The following HKDC1 variants were observed in gnomAD, a reference collection of about 807,000 sequenced individuals.
HKDC1 encodes hexokinase domain containing 1.
In HKDC1, 66 loss-of-function variants were observed where a neutral mutation model predicts 96.6. The ratio of observed to expected loss-of-function variants is 0.68; its 90% CI spans 0.56 to 0.84. The LOEUF is 0.84. Among genes scored for constraint, HKDC1 ranks in the 40% least tolerant of loss-of-function variants. The pLI, the probability that HKDC1 is intolerant of heterozygous loss-of-function variation, is 0.00. For synonymous variants in HKDC1, 466 were observed against 473.1 expected (o/e 0.98, Z 0.20); for missense variants, 1,211 against 1,208.1 (o/e 1.00, Z -0.04).
intron 16 of HKDC1, among the ~76,000 whole-genome samples, chr10:69,262,808 A>G (rs1843828192): frequency 6.6e-6 from 1 of 152,166 alleles, no homozygotes; most frequent in Non-Finnish European, 1.5e-5. Context: ...TCCAATCTGA[A>G]CAGATGGGTT....
intron 16 of HKDC1, among the ~76,000 whole-genome samples, chr10:69,265,037 A>G (rs910981376): frequency 2.0e-5 from 3 of 152,220 alleles, no homozygotes; most frequent in Non-Finnish European, 4.4e-5. Context: ...CCTGCTGGCT[A>G]CTACTGAAGA....
chr10:69,236,636 C>T (rs984197793), intron 4 of HKDC1, among the ~76,000 whole-genome samples: 2 of 151,684 alleles, frequency 1.3e-5, no homozygotes, highest in Admixed American at 6.6e-5. Context: ...CAAAATTAGT[C>T]GGGCGTGGTG....
chr10:69,230,293 G>A (rs530037954), intron 2 of HKDC1, among the ~76,000 whole-genome samples: 8 of 152,342 alleles, frequency 5.3e-5, no homozygotes, highest in African/African-American at 1.4e-4. Flanking sequence ...CCAGGCCTTA[G>A]CCTCCAGTCA....
In HKDC1 at chr10:69,246,113, G is replaced by C. The variant is rs1389665361; in HGVS notation, c.910G>C (p.Glu304Gln). The C allele has an allele frequency of 6.2e-7, 1 of 1,614,232 alleles. No homozygotes were observed. Among genetic ancestry groups the C allele is most frequent in the South Asian group, 1.1e-5 (1 of 91,086 alleles). The change falls in exon 8 of 18, where the codon GAG becomes CAG. Residue 304 changes from glutamate to glutamine, a missense_variant. By Grantham distance (29) the Glu-to-Gln change is conservative. Transcript: ENST00000354624. ...GATGATCAGTGGCCTGTACCTGGGG[G>C]AGCTTGTCAGGCTTATCTTGCTGAA... ...EKMISGLYLG[E>Q]LVRLILLKMA...
rs1009093862 is a variant in HKDC1 at position 69,246,094 on chromosome 10, C to T, written c.891C>T (p.Ile297=). The stretch of plus-strand genomic sequence containing the variant: ...CAACCTGCAGGTTCGAGAAGATGAT[C>T]AGTGGCCTGTACCTGGGGGAGCTTG... ...NPGKQLFEKM[I]SGLYLGELVR... is the part of the protein sequence containing the mutation. The change falls in exon 8 of 18, where the codon ATC becomes ATT. Residue 297 remains isoleucine (I), a synonymous_variant. Transcript: ENST00000354624. 10 of 1,614,052 alleles carry T rather than the reference C, an allele frequency of 6.2e-6. No individual in the cohort carries two copies. In the African/African-American group the frequency reaches 8.0e-5, roughly 13 times the overall value.
intron 7 of HKDC1, among the ~76,000 whole-genome samples, chr10:69,243,607 C>T (rs1843491002): frequency 6.6e-6 from 1 of 151,968 alleles, no homozygotes; most frequent in South Asian, 2.1e-4. Flanking sequence ...AGCAATCCTC[C>T]CACCTCAGTC....
chr10:69,238,425 G>A (rs1248229319), intron 4 of HKDC1, among the ~76,000 whole-genome samples: 1 of 27,434 alleles, frequency 3.6e-5, no homozygotes, highest in Non-Finnish European at 6.7e-5. Context: ...GCCGGACTGC[G>A]GACTGCAGTG....
At chr10:69,250,201 G>A in intron 10 of HKDC1, 89 bp from the exon 11 acceptor site, 11 of 1,446,562 alleles carry the variant, frequency 7.6e-6, no homozygotes, top group Non-Finnish European at 1.0e-5. Context: ...CAGGCCCTGG[G>A]TCCGCTCTGC....
At position 69,232,748 on chromosome 10, in the gene HKDC1, ATT is replaced by A. The variant is rs749894632; in HGVS notation, c.227-14_227-13del. Reference sequence around the variant, plus strand: ...TAGACCCTCAATAAATGGAAACTGAATTTGTTTCTTAATAGAAAATGGGGAGT... The same window carrying A: ...TAGACCCTCAATAAATGGAAACTGAATGTTTCTTAATAGAAAATGGGGAGT... On this transcript the variant is annotated splice_polypyrimidine_tract_variant and intron_variant, in intron 2 of 17. Transcript: ENST00000354624. 1.2e-6 allele frequency: 2 copies of A among 1,613,122 alleles called. No individual in the cohort carries two copies. Among genetic ancestry groups the A allele is most frequent in the Admixed American group, 3.3e-5 (2 of 59,956 alleles).
chr10:69,243,272 G>A lies in HKDC1; in HGVS notation c.782G>A (p.Trp261Ter), dbSNP rs771587834. Residue 261 changes from tryptophan to a stop codon, truncating the protein, a stop_gained, in exon 7 of 18, where the codon TGG becomes TAG. Transcript: ENST00000354624. LOFTEE classifies it high-confidence loss of function. ...DEGRMCINTE[W>*]GAFGDDGALE... ...GGCAGGATGTGCATCAACACAGAGT[G>A]GGGGGCCTTCGGGGACGACGGGGCC... is the stretch of plus-strand genomic sequence containing the variant. 1.2e-5 allele frequency: 19 copies of A among 1,613,930 alleles called. No individual in the cohort carries two copies. Among genetic ancestry groups the A allele is most frequent in the Non-Finnish European group, 1.5e-5 (18 of 1,179,972 alleles).
intron 5 of HKDC1, 82 bp from the exon 6 acceptor site, chr10:69,240,570 C>T (rs1359054842): frequency 2.6e-6 from 3 of 1,170,702 alleles, no homozygotes; most frequent in Non-Finnish European, 3.8e-6. Context: ...GCCACCTTCA[C>T]TACCTGCTGC....
At chr10:69,221,237 A>T (rs1589398727) in intron 1 of HKDC1, among the ~76,000 whole-genome samples, 1 of 152,222 alleles carries the variant, frequency 6.6e-6, no homozygotes, top group African/African-American at 2.4e-5. Context: ...GAGTTGCAAT[A>T]GACAGTAATT....
intron 8 of HKDC1, 53 bp downstream of exon 8, chr10:69,246,287 G>A (rs1843540452): frequency 3.1e-6 from 5 of 1,591,208 alleles, no homozygotes; most frequent in African/African-American, 1.3e-5. Context: ...GGGAGGCCCA[G>A]GTGTGGGGTG....
chr10:69,243,414 A>G, intron 7 of HKDC1, 49 bp downstream of exon 7: 1 of 1,469,028 alleles, frequency 6.8e-7, no homozygotes, highest in Non-Finnish European at 9.1e-7. Flanking sequence ...GGCAGTGCCT[A>G]ATCACTCAGG....
At position 69,232,569 on chromosome 10, in the gene HKDC1, G is replaced by A. The variant is rs575772414; in HGVS notation, c.227-195G>A. ...CAGGCTGCAGAGTCAGGCTGACTTAGTTCACATCTCAGCTCTGCGCCTTAC... is the reference window on the plus strand; with the variant it reads ...CAGGCTGCAGAGTCAGGCTGACTTAATTCACATCTCAGCTCTGCGCCTTAC... On this transcript the variant is annotated intron_variant, in intron 2 of 17. Coordinates refer to ENST00000354624, the MANE Select transcript of HKDC1 (RefSeq NM_025130.4). 1,118 of 598,996 alleles carry A rather than the reference G, an allele frequency of 1.9e-3. 1 individual carries two copies. Among genetic ancestry groups the A allele is most frequent in the Non-Finnish European group, 2.7e-3 (920 of 339,828 alleles). 37.1% of individuals were successfully genotyped at this position (598,996 alleles called of 1,614,324 possible). A position where few individuals can be genotyped will look rare whatever the true frequency, so the allele number is the denominator to read the frequency against.
chr10:69,239,274 G>A (rs1032213855), intron 5 of HKDC1, 137 bp downstream of exon 5: 15 of 613,766 alleles, frequency 2.4e-5, no homozygotes, highest in South Asian at 2.2e-4. Context: ...ATTGATCTTA[G>A]AAAAGGTCCC....
chr10:69,249,151 A>G (rs1843595175), intron 10 of HKDC1, among the ~76,000 whole-genome samples: 1 of 151,780 alleles, frequency 6.6e-6, no homozygotes, highest in Admixed American at 6.6e-5. Flanking sequence ...TTCTGCCCCC[A>G]ACTTCTCCAA....
chr10:69,227,909 C>T (rs1412697212), intron 2 of HKDC1, among the ~76,000 whole-genome samples: 2 of 152,190 alleles, frequency 1.3e-5, no homozygotes, highest in African/African-American at 2.4e-5. Context: ...GGGTCTGAGG[C>T]CCAGCTCTGT....
At chr10:69,253,774 C>T (rs1421748412) in intron 12 of HKDC1, among the ~76,000 whole-genome samples, 1 of 152,146 alleles carries the variant, frequency 6.6e-6, no homozygotes, top group African/African-American at 2.4e-5. Flanking sequence ...GCACTGTCGC[C>T]AGGGCCTGAC....
Sources: gnomAD v4.1 joint callset for allele counts (sites outside exome capture counted in the v4.1 genomes callset) on GRCh38, gnomAD v4.1.1 for gene constraint, MANE v1.5 for transcripts, NCBI Gene and HGNC (gene_info 2026-07-23, HGNC 2026-07-21) for gene names.